The following IPPK variants were observed in gnomAD, a reference collection of about 807,000 sequenced individuals.
IPPK encodes IPK1 homolog.
IPPK carries 22 observed loss-of-function variants against 64.6 expected under a neutral mutation model. The observed-to-expected ratio is 0.34, with a 90% CI of 0.24 to 0.49. IPPK has a LOEUF of 0.49. Ranked by LOEUF, IPPK falls within the 20% of genes least tolerant of loss-of-function variation. IPPK has a pLI of 0.99. For missense variants in IPPK, 532 were observed against 630.7 expected, an observed-to-expected ratio of 0.84 and a Z score of 1.68; for synonymous variants, 262 against 247.2, an observed-to-expected ratio of 1.06 and a Z score of -0.56.
intron 6 of IPPK, among the ~76,000 whole-genome samples, chr9:92,646,211 TC>T (rs1158839793): frequency 2.0e-5 from 3 of 152,144 alleles, no homozygotes; most frequent in Non-Finnish European, 2.9e-5. Flanking sequence ...AAATTAACAC[TC>T]AGAGCAACGA....
chr9:92,654,671 A>C (rs1312565354), intron 3 of IPPK, among the ~76,000 whole-genome samples: 2 of 152,212 alleles, frequency 1.3e-5, no homozygotes, highest in Non-Finnish European at 2.9e-5. Context: ...AAGCCCACAG[A>C]AATCCCATCC....
At chr9:92,626,351 C>T (rs1016149270) in intron 11 of IPPK, among the ~76,000 whole-genome samples, 9 of 152,098 alleles carry the variant, frequency 5.9e-5, no homozygotes, top group Middle Eastern at 3.2e-3. Flanking sequence ...GAGCCAAGAT[C>T]GCACCACTGC....
chr9:92,630,118 A>G (rs1027278952), intron 11 of IPPK, among the ~76,000 whole-genome samples: 39 of 152,374 alleles, frequency 2.6e-4, no homozygotes, highest in African/African-American at 9.4e-4. Flanking sequence ...CATTGAGCAT[A>G]ATAGCCAAAA....
At chr9:92,653,084 C>T (rs1397381404) in intron 3 of IPPK, among the ~76,000 whole-genome samples, 1 of 152,254 alleles carries the variant, frequency 6.6e-6, no homozygotes, top group African/African-American at 2.4e-5. Context: ...AGGAGCAGGT[C>T]AGCATCTGAA....
At chr9:92,655,394 C>G (rs548388533) in intron 3 of IPPK, among the ~76,000 whole-genome samples, 1 of 152,256 alleles carries the variant, frequency 6.6e-6, no homozygotes, top group Admixed American at 6.5e-5. Context: ...TTCACTTTGT[C>G]GGTATCTTAA....
At chr9:92,616,090 A>G in intron 12 of IPPK, 33 bp from the exon 13 acceptor site, 3 of 1,464,902 alleles carry the variant, frequency 2.0e-6, no homozygotes, top group Non-Finnish European at 9.5e-7. Flanking sequence ...CAGGATACAC[A>G]AGCCCCCCAT....
At chr9:92,650,333 AAAAACAAAAAC>A (rs945156034) in intron 4 of IPPK, among the ~76,000 whole-genome samples, 2 of 152,086 alleles carry the variant, frequency 1.3e-5, no homozygotes, top group Non-Finnish European at 2.9e-5. Flanking sequence ...TCTCAAAAAA[AAAAACAAAAAC>A]AAAAACAAAA....
At chr9:92,658,162 C>T (rs556462472) in intron 2 of IPPK, among the ~76,000 whole-genome samples, 86 of 151,250 alleles carry the variant, frequency 5.7e-4, no homozygotes, top group South Asian at 1.7e-3. Context: ...TGCTTTTTCA[C>T]GGGTGGTCCA....
intron 12 of IPPK, 89 bp from the exon 13 acceptor site, chr9:92,616,146 GTATGTTTT>G (rs778186644): frequency 5.1e-5 from 45 of 879,378 alleles, no homozygotes; most frequent in Non-Finnish European, 7.4e-5. Flanking sequence ...CTTTCAACTA[GTATGTTTT>G]TATGTTTTTT....
In IPPK at chr9:92,619,750, G is replaced by C. The variant is rs1851566637; in HGVS notation, c.1171-185C>G. 3 of 614,364 alleles carry C rather than the reference G, an allele frequency of 4.9e-6. No individual in the cohort carries two copies. The Admixed American group carries it at 7.3e-5, about 15-fold the overall frequency. The allele number at this position is 614,364 out of a possible 1,614,324, so 38.1% of individuals were successfully genotyped here. A position where few individuals can be genotyped will look rare whatever the true frequency, so the allele number is the denominator to read the frequency against. On this transcript the variant is annotated intron_variant, in intron 11 of 12. Transcript: ENST00000287996. ...TCGCCCTGTGAGAGCACCTGGGCCA[G>C]CCCTCAGTGCCACGGGGCTGCTCAG...
intron 11 of IPPK, among the ~76,000 whole-genome samples, chr9:92,621,676 G>C (rs539563419): frequency 1.3e-5 from 2 of 151,768 alleles, no homozygotes; most frequent in Non-Finnish European, 2.9e-5. Context: ...CACCATACTC[G>C]GCTGATTTTT....
Position 92,652,627 on chromosome 9 carries a change from G to A in IPPK, c.238C>T (p.Leu80=). Residue 80 remains leucine (L), a synonymous_variant, in exon 4 of 13, where the codon CTA becomes TTA. Transcript: ENST00000287996. ...AGCTGTTTCACAAACTCTAAAGGTA[G>A]CTGAACGACCTCCTGTAAGAAAATA... ...NYVHYGEVVQ[L]PLEFVKQLCL... 1 of 1,568,102 alleles carries A rather than the reference G, an allele frequency of 6.4e-7. No individual in the cohort carries two copies. The highest frequency in any genetic ancestry group is 8.7e-7 in the Non-Finnish European group (1 of 1,146,182).
chr9:92,658,751 G>C, intron 1 of IPPK, 70 bp from the exon 2 acceptor site: 2 of 1,405,428 alleles, frequency 1.4e-6, no homozygotes, highest in Non-Finnish European at 2.0e-6. Flanking sequence ...AGTCAGTTTG[G>C]GGGTCCCATC....
chr9:92,622,885 T>C (rs1431237269), intron 11 of IPPK, among the ~76,000 whole-genome samples: 2 of 152,188 alleles, frequency 1.3e-5, no homozygotes, highest in East Asian at 1.9e-4. Context: ...TATGACTCTG[T>C]AGTGTTCACA....
At chr9:92,627,102 A>G (rs1851748652) in intron 11 of IPPK, among the ~76,000 whole-genome samples, 1 of 152,164 alleles carries the variant, frequency 6.6e-6, no homozygotes, top group Non-Finnish European at 1.5e-5. Context: ...GTAGGCCAAT[A>G]AATTAGAAAA....
At chr9:92,619,987 A>T (rs1452435142) in intron 11 of IPPK, 4 of 195,952 alleles carry the variant, frequency 2.0e-5, no homozygotes, top group Non-Finnish European at 4.4e-5. Context: ...GGTGTTCAGC[A>T]AGGCATCGCT....
At chr9:92,623,967 A>G (rs1466754208) in intron 11 of IPPK, among the ~76,000 whole-genome samples, 1 of 152,264 alleles carries the variant, frequency 6.6e-6, no homozygotes, top group Non-Finnish European at 1.5e-5. Flanking sequence ...AGAACAGATA[A>G]ATTGTAGTAC....
At chr9:92,621,538 G>A (rs2131419078) in intron 11 of IPPK, among the ~76,000 whole-genome samples, 2 of 114,180 alleles carry the variant, frequency 1.8e-5, no homozygotes, top group South Asian at 5.2e-4. Flanking sequence ...TTTTGAGACA[G>A]GGTCTCGTTC....
rs748699021 is a variant in IPPK, at chr9:92,615,065, A to C, written c.*767T>G. 3.9e-5 allele frequency: 6 copies of C among 152,314 alleles called. No individual in the cohort carries two copies. Among genetic ancestry groups the C allele is most frequent in the Admixed American group, 6.5e-5 (1 of 15,286 alleles). The allele number at this position is 152,314 out of a possible 1,614,324, so 9.4% of individuals were successfully genotyped here. A position where few individuals can be genotyped will look rare whatever the true frequency, so the allele number is the denominator to read the frequency against. On this transcript the variant is annotated 3_prime_UTR_variant, in exon 13 of 13. Coordinates refer to ENST00000287996, the MANE Select transcript of IPPK (RefSeq NM_022755.6). ...CCCGGCCACAGCAGCTCAGCCAGTC[A>C]CAGCTCCACCTCCAACTTCTACAGC...
Sources: allele counts gnomAD v4.1 joint callset (sites outside exome capture counted in the v4.1 genomes callset), GRCh38; gene constraint gnomAD v4.1.1; transcripts MANE v1.5; gene names NCBI Gene and HGNC (gene_info 2026-07-23, HGNC 2026-07-21).